CNTNAP2: variants seen among roughly 807,000 people sequenced by gnomAD.
CNTNAP2 encodes the protein contactin-associated protein-like 2.
Under a neutral mutation model 155.2 loss-of-function variants are expected in CNTNAP2, and 98 were observed. The ratio of observed to expected loss-of-function variants is 0.63; its 90% CI spans 0.54 to 0.75. CNTNAP2 has a LOEUF of 0.75. CNTNAP2 is among the 30% of genes least tolerant of loss of function. CNTNAP2 has a pLI of 0.00. For synonymous variants in CNTNAP2, 651 were observed against 631.2 expected, an observed-to-expected ratio of 1.03 and a Z score of -0.47; for missense variants, 1,727 against 1,688.1, an observed-to-expected ratio of 1.02 and a Z score of -0.40.
intron 16 of CNTNAP2, among the ~76,000 whole-genome samples, chr7:148,123,295 T>C (rs566104652): frequency 6.6e-6 from 1 of 152,254 alleles, no homozygotes; most frequent in South Asian, 2.1e-4. Flanking sequence ...ACACCTGTCA[T>C]CCCAGTACTT....
At chr7:147,175,744 T>G (rs898573818) in intron 8 of CNTNAP2, among the ~76,000 whole-genome samples, 2 of 152,144 alleles carry the variant, frequency 1.3e-5, no homozygotes, top group Non-Finnish European at 2.9e-5. Flanking sequence ...GAGTAGAAGG[T>G]TGATGGAATG....
chr7:147,524,681 G>A (rs1183332396), intron 11 of CNTNAP2, among the ~76,000 whole-genome samples: 2 of 152,168 alleles, frequency 1.3e-5, no homozygotes, highest in East Asian at 3.9e-4. Context: ...CTGCTTGAGG[G>A]TCTCAGTGGA....
At chr7:148,167,065 T>C (rs897374291) in intron 17 of CNTNAP2, among the ~76,000 whole-genome samples, 5 of 152,238 alleles carry the variant, frequency 3.3e-5, no homozygotes, top group Admixed American at 2.0e-4. Flanking sequence ...TTATTTAGTT[T>C]TCCTTTATAG....
intron 15 of CNTNAP2, among the ~76,000 whole-genome samples, chr7:148,022,596 C>T (rs1802303124): frequency 2.0e-5 from 3 of 152,028 alleles, no homozygotes; most frequent in Admixed American, 6.6e-5. Flanking sequence ...CATCAGTGTG[C>T]CCTGTGTGGT....
At chr7:146,307,443 T>TACC (rs1563030811) in intron 1 of CNTNAP2, among the ~76,000 whole-genome samples, 1 of 152,176 alleles carries the variant, frequency 6.6e-6, no homozygotes, top group Non-Finnish European at 1.5e-5. Flanking sequence ...CCCATCAAGC[T>TACC]ACCAGTGACT....
Position 146,824,624 on chromosome 7 carries a change from T to G in CNTNAP2, c.209-15087T>G, listed in dbSNP as rs561072912. ...ATCTCACTGTGGTTTTGATTTTCAT[T>G]TCTCTAATGACCAGCGATCATGAGC... On this transcript the variant is annotated intron_variant, in intron 2 of 23. Transcript: ENST00000361727. Among the ~76,000 whole-genome samples the G allele has an allele frequency of 9.2e-5, 14 of 152,324 alleles. No homozygotes were observed. The East Asian group carries it at 2.7e-3, about 29-fold the overall frequency.
At chr7:146,145,486 G>T (rs770653984) in intron 1 of CNTNAP2, among the ~76,000 whole-genome samples, 4 of 152,188 alleles carry the variant, frequency 2.6e-5, no homozygotes, top group Non-Finnish European at 2.9e-5. Flanking sequence ...ATTCGGGAAA[G>T]GTATTATTTA....
chr7:147,574,879 C>G (rs1287375162), intron 12 of CNTNAP2, among the ~76,000 whole-genome samples: 6 of 152,052 alleles, frequency 3.9e-5, no homozygotes, highest in Non-Finnish European at 8.8e-5. Context: ...CTTAGGAGAC[C>G]TAGGGATCTA....
At chr7:147,518,976 A>G (rs1799181416) in intron 11 of CNTNAP2, among the ~76,000 whole-genome samples, 1 of 146,128 alleles carries the variant, frequency 6.8e-6, no homozygotes, top group African/African-American at 2.5e-5. Flanking sequence ...GGTTGCAGTG[A>G]GCCGAGATAG....
At chr7:146,270,422 G>A (rs1193331468) in intron 1 of CNTNAP2, among the ~76,000 whole-genome samples, 1 of 151,956 alleles carries the variant, frequency 6.6e-6, no homozygotes, top group Non-Finnish European at 1.5e-5. Flanking sequence ...GATGAATTTT[G>A]ATTGTTTTTG....
chr7:147,081,456 C>G (rs1289683320), intron 4 of CNTNAP2: 1 of 145,380 alleles, frequency 6.9e-6, no homozygotes, highest in Non-Finnish European at 1.5e-5. Context: ...CTCACTCTGT[C>G]GCCAGGCTGG....
At chr7:148,012,080 C>G (rs931369763) in intron 15 of CNTNAP2, among the ~76,000 whole-genome samples, 1 of 152,100 alleles carries the variant, frequency 6.6e-6, no homozygotes. Context: ...TGGTTTTTGC[C>G]TTTTTGTTTA....
chr7:148,285,915 C>T (rs1012662901), intron 21 of CNTNAP2, among the ~76,000 whole-genome samples: 3 of 152,014 alleles, frequency 2.0e-5, no homozygotes, highest in Non-Finnish European at 4.4e-5. Context: ...TTACTGTTGA[C>T]CAGAAGCCTT....
At chr7:147,830,101 T>A (rs1472617978) in intron 13 of CNTNAP2, among the ~76,000 whole-genome samples, 1 of 151,700 alleles carries the variant, frequency 6.6e-6, no homozygotes, top group East Asian at 1.9e-4. Context: ...TCAATACATA[T>A]GTGAATCTGA....
chr7:147,817,200 T>G (rs922597603), intron 13 of CNTNAP2, among the ~76,000 whole-genome samples: 1 of 152,016 alleles, frequency 6.6e-6, no homozygotes, highest in Non-Finnish European at 1.5e-5. Context: ...GCTGTAAATT[T>G]AAAAAAGAAA....
chr7:146,206,732 C>A (rs538463634), intron 1 of CNTNAP2, among the ~76,000 whole-genome samples: 1 of 151,984 alleles, frequency 6.6e-6, no homozygotes, highest in African/African-American at 2.4e-5. Context: ...ATGCAATTCA[C>A]CAGTCCATGT....
At position 146,151,686 on chromosome 7, in the gene CNTNAP2, A is replaced by ATATATATG. The variant is rs1798051897; in HGVS notation, c.97+34720_97+34721insGTATATAT. Among the ~76,000 whole-genome samples, 3 of 54,734 alleles carry ATATATATG rather than the reference A, an allele frequency of 5.5e-5. 1 individual carries two copies. Among genetic ancestry groups the ATATATATG allele is most frequent in the African/African-American group, 3.1e-4 (3 of 9,552 alleles). 35.9% of individuals were successfully genotyped at this position (54,734 alleles called of 152,430 possible). A position where few individuals can be genotyped will look rare whatever the true frequency, so the allele number is the denominator to read the frequency against. On this transcript the variant is annotated intron_variant, in intron 1 of 23. Coordinates refer to ENST00000361727, the MANE Select transcript of CNTNAP2 (RefSeq NM_014141.6). ...TATATATATATATATATATATGTAT[A>ATATATATG]TATATATATATGTATATATATATAT...
At chr7:146,670,957 T>A (rs1800292939) in intron 1 of CNTNAP2, among the ~76,000 whole-genome samples, 1 of 152,150 alleles carries the variant, frequency 6.6e-6, no homozygotes, top group African/African-American at 2.4e-5. Flanking sequence ...TTATACAGTT[T>A]CCACCTGTTC....
chr7:147,095,022 T>G (rs2129274832), intron 4 of CNTNAP2, among the ~76,000 whole-genome samples: 1 of 151,828 alleles, frequency 6.6e-6, no homozygotes, highest in Non-Finnish European at 1.5e-5. Context: ...CTTTATTTTT[T>G]TTGTTTTTGT....
Sources: allele counts gnomAD v4.1 joint callset (sites outside exome capture counted in the v4.1 genomes callset), GRCh38; gene constraint gnomAD v4.1.1; transcripts MANE v1.5; gene names NCBI Gene and HGNC (gene_info 2026-07-23, HGNC 2026-07-21).